SNAP23: variants seen among roughly 807,000 people sequenced by gnomAD.
SNAP23 encodes synaptosome associated protein 23.
In SNAP23, 11 loss-of-function variants were observed where a neutral mutation model predicts 29.0. That is an observed-to-expected ratio of 0.38 (90% CI 0.24 to 0.63). The LOEUF is 0.63. SNAP23 is among the 20% of genes least tolerant of loss of function. The probability of loss-of-function intolerance (pLI) is 0.58; values close to 1 mark genes in which losing one functional copy is unlikely to be tolerated. For missense variants in SNAP23, 220 were observed against 253.9 expected (o/e 0.87, Z 0.91); for synonymous variants, 60 against 82.9 (o/e 0.72, Z 1.50).
upstream of SNAP23, chr15:42,493,036 T>G (rs920328367): frequency 1.3e-5 from 2 of 152,202 alleles, no homozygotes; most frequent in African/African-American, 4.8e-5. Context: ...GGGTATCCTG[T>G]GCATTATAAG....
At chr15:42,531,103 T>C (rs974135473) in intron 7 of SNAP23, among the ~76,000 whole-genome samples, 3 of 152,206 alleles carry the variant, frequency 2.0e-5, no homozygotes, top group Non-Finnish European at 4.4e-5. Flanking sequence ...TCATATTTCA[T>C]TGCATCAAAA....
chr15:42,510,045 G>T (rs1474164068), intron 1 of SNAP23, among the ~76,000 whole-genome samples: 1 of 151,798 alleles, frequency 6.6e-6, no homozygotes, highest in Non-Finnish European at 1.5e-5. Flanking sequence ...CTCCAGCCTG[G>T]GCAACAGAGT....
upstream of SNAP23, among the ~76,000 whole-genome samples, chr15:42,494,180 A>C (rs938831841): frequency 6.6e-6 from 1 of 152,070 alleles, no homozygotes; most frequent in African/African-American, 2.4e-5. Flanking sequence ...CCTCCCTGTC[A>C]AGGCCAAACT....
chr15:42,504,302 C>T (rs1004204238), intron 1 of SNAP23, among the ~76,000 whole-genome samples: 1 of 152,080 alleles, frequency 6.6e-6, no homozygotes, highest in African/African-American at 2.4e-5. Flanking sequence ...GATTGCACCA[C>T]TGCACTCCAG....
upstream of SNAP23, among the ~76,000 whole-genome samples, chr15:42,493,363 T>C (rs1170614960): frequency 6.6e-6 from 1 of 151,850 alleles, no homozygotes; most frequent in South Asian, 2.1e-4. Flanking sequence ...TCTATATATA[T>C]ATACATATAT....
intron 1 of SNAP23, among the ~76,000 whole-genome samples, chr15:42,505,863 T>C (rs2057312865): frequency 6.6e-6 from 1 of 151,450 alleles, no homozygotes. Flanking sequence ...GCCTCTTGCT[T>C]GCTTGTTTTC....
upstream of SNAP23, among the ~76,000 whole-genome samples, chr15:42,493,209 G>A (rs1335725763): frequency 6.6e-6 from 1 of 152,050 alleles, no homozygotes; most frequent in Non-Finnish European, 1.5e-5. Flanking sequence ...GGCAGTGGTG[G>A]TGCACACCTG....
chr15:42,512,942 T>C lies in SNAP23; in HGVS notation c.58-13T>C. Reference sequence around the variant, plus strand: ...CATATTTTGGAATGCTAAAATTCTGTGTTCTTTCCTAGTCTCTGGAAAGTA... The same window carrying C: ...CATATTTTGGAATGCTAAAATTCTGCGTTCTTTCCTAGTCTCTGGAAAGTA... On this transcript the variant is annotated splice_polypyrimidine_tract_variant and intron_variant, in intron 2 of 7. Transcript: ENST00000249647. 6.2e-7 allele frequency: 1 copy of C among 1,603,418 alleles called. No homozygotes were observed. The highest frequency in any genetic ancestry group is 8.5e-7 in the Non-Finnish European group (1 of 1,171,620).
rs2057390873 is a variant in SNAP23 at position 42,515,499 on chromosome 15, C to G, written c.266+145C>G. 8 of 589,110 alleles carry G rather than the reference C, an allele frequency of 1.4e-5. No individual in the cohort carries two copies. The South Asian group carries it at 1.8e-4, about 13-fold the overall frequency. The allele number at this position is 589,110 out of a possible 1,614,324, so 36.5% of individuals were successfully genotyped here. The stretch of plus-strand genomic sequence containing the variant: ...TTGTCTCTCCTTCAGGCAGATTAAG[C>G]TTTTTGTGTAAATACTGCGTGTTCA... On this transcript the variant is annotated intron_variant, in intron 5 of 7. Transcript: ENST00000249647.
intron 1 of SNAP23, among the ~76,000 whole-genome samples, chr15:42,509,660 G>A (rs1022274239): frequency 6.6e-6 from 1 of 151,972 alleles, no homozygotes; most frequent in Non-Finnish European, 1.5e-5. Context: ...AGCTGGCCTC[G>A]ATCTCCTAAC....
intron 1 of SNAP23, among the ~76,000 whole-genome samples, chr15:42,502,229 T>C (rs1276980569): frequency 6.6e-6 from 1 of 152,040 alleles, no homozygotes; most frequent in Admixed American, 6.6e-5. Context: ...TTTCACCTTG[T>C]TAGCCAGGAT....
intron 5 of SNAP23, among the ~76,000 whole-genome samples, chr15:42,527,301 C>T (rs2057513003): frequency 6.6e-6 from 1 of 152,074 alleles, no homozygotes; most frequent in African/African-American, 2.4e-5. Context: ...TTGTAAGAAA[C>T]CATTGTTTAA....
At chr15:42,520,729 C>T (rs574169344) in intron 5 of SNAP23, among the ~76,000 whole-genome samples, 9 of 152,218 alleles carry the variant, frequency 5.9e-5, no homozygotes, top group African/African-American at 1.4e-4. Context: ...CTCCTGACCT[C>T]GTGATCCGCC....
chr15:42,528,305 G>C lies in SNAP23; in HGVS notation c.310G>C (p.Gly104Arg). 1 of 1,614,034 alleles carries C rather than the reference G, an allele frequency of 6.2e-7. No homozygotes were observed. The highest frequency in any genetic ancestry group is 8.5e-7 in the Non-Finnish European group (1 of 1,179,984). The change falls in exon 6 of 8, where the codon GGA becomes CGA. Residue 104 changes from glycine (G) to arginine (R), a missense_variant. Physicochemically the swap from Gly to Arg is moderately radical, Grantham distance 125 (BLOSUM62 -2). Transcript: ENST00000249647. The stretch of plus-strand genomic sequence containing the variant: ...TGGCAAGGCTTATAAGACAACATGG[G>C]GAGATGGTGGAGAAAACTCACCTTG... ...ESGKAYKTTWGDGGENSPCNV... is the reference protein window; with the variant it reads ...ESGKAYKTTWRDGGENSPCNV...
At chr15:42,505,648 C>G (rs953960003) in intron 1 of SNAP23, 2 of 149,446 alleles carry the variant, frequency 1.3e-5, no homozygotes, top group African/African-American at 4.9e-5. Flanking sequence ...CTTTGCCTCT[C>G]GGGTTCAATC....
At chr15:42,499,131 T>G (rs554883371) in intron 1 of SNAP23, among the ~76,000 whole-genome samples, 17 of 151,896 alleles carry the variant, frequency 1.1e-4, no homozygotes, top group Admixed American at 3.9e-4. Flanking sequence ...TACAATATCT[T>G]GATCTAGGGT....
intron 1 of SNAP23, among the ~76,000 whole-genome samples, chr15:42,499,422 A>G (rs1220450386): frequency 6.6e-6 from 1 of 152,186 alleles, no homozygotes; most frequent in Non-Finnish European, 1.5e-5. Flanking sequence ...AACCAGAAAG[A>G]AAGTAAACAA....
In SNAP23 at chr15:42,513,446, G is replaced by T; in HGVS notation, c.147G>T (p.Lys49Asn). Residue 49 changes from lysine to asparagine, a missense_variant and splice_region_variant, in exon 4 of 8, where the codon AAG (lysine) becomes AAT (asparagine). Lys to Asn is a moderately conservative substitution (Grantham distance 94). Coordinates refer to ENST00000249647, the MANE Select transcript of SNAP23 (RefSeq NM_003825.4). ...IKTITMLDEQ[K>N]EQLNRIEEGL... ...CCATCACTATGCTGGATGAACAAAA[G>T]GGTAAGTTAAATTATTAGCAGAAAT... 1 of 1,612,188 alleles carries T rather than the reference G, an allele frequency of 6.2e-7. No individual in the cohort carries two copies. The highest frequency in any genetic ancestry group is 1.1e-5 in the South Asian group (1 of 91,026).
Position 42,501,938 on chromosome 15 carries a change from T to C in SNAP23, c.-15+6225T>C, listed in dbSNP as rs1595515191. Among the ~76,000 whole-genome samples the C allele has an allele frequency of 2.0e-5, 3 of 152,234 alleles. No individual in the cohort carries two copies. In the South Asian group the frequency reaches 6.2e-4, roughly 32 times the overall value. ...CTTCAGATATTGGGCACATAACTAC[T>C]ATACTATGTTGTCTTTTGTATAAGC... On this transcript the variant is annotated intron_variant, in intron 1 of 7. Coordinates refer to ENST00000249647, the MANE Select transcript of SNAP23 (RefSeq NM_003825.4).
Sources: allele counts gnomAD v4.1 joint callset (sites outside exome capture counted in the v4.1 genomes callset), GRCh38; gene constraint gnomAD v4.1.1; transcripts MANE v1.5; gene names NCBI Gene and HGNC (gene_info 2026-07-23, HGNC 2026-07-21).